The following KCNMA1 variants were observed in gnomAD, a reference collection of about 807,000 sequenced individuals.
KCNMA1 encodes potassium calcium-activated channel subfamily M alpha 1, also known as Calcium-activated potassium channel subunit alpha-1.
KCNMA1 carries 29 observed loss-of-function variants against 140.0 expected under a neutral mutation model. The ratio of observed to expected loss-of-function variants is 0.21; its 90% CI spans 0.15 to 0.28. The LOEUF (loss-of-function observed/expected upper bound fraction) is 0.28, where lower values mean the gene tolerates loss of function less well. Ranked by LOEUF, KCNMA1 falls within the 10% of genes least tolerant of loss-of-function variation. KCNMA1 has a pLI of 1.00. For missense variants in KCNMA1, 880 were observed against 1,602.2 expected (o/e 0.55, Z 7.70); for synonymous variants, 612 against 611.9 (o/e 1.00, Z 0.00).
chr10:77,318,744 T>C (rs1276970108), intron 2 of KCNMA1, among the ~76,000 whole-genome samples: 2 of 152,186 alleles, frequency 1.3e-5, no homozygotes, highest in Non-Finnish European at 2.9e-5. Flanking sequence ...GTGGACCTAT[T>C]CACCAAGGGC....
chr10:76,877,704 CA>C (rs1415022416), downstream of KCNMA1: 20 of 1,544,580 alleles, frequency 1.3e-5, no homozygotes, highest in Non-Finnish European at 1.8e-5. Flanking sequence ...TGAAGTTTGT[CA>C]GGCTTTAAAA....
intron 12 of KCNMA1, chr10:77,079,759 C>T: frequency 1.7e-6 from 1 of 605,206 alleles, no homozygotes; most frequent in South Asian, 1.9e-5. Flanking sequence ...TGGACAAGCC[C>T]AGCAGTGTGC....
intron 1 of KCNMA1, among the ~76,000 whole-genome samples, chr10:77,408,403 TGTGTGAGAGTGTGTGCATGTGTGTGCAC>T (rs1190815062): frequency 1.3e-5 from 2 of 151,924 alleles, no homozygotes; most frequent in African/African-American, 2.4e-5. Flanking sequence ...TGTGTGTGCA[TGTGTGAGAGTGTGTGCATGTGTGTGCAC>T]GTGTGAGAGT....
At chr10:76,929,576 T>G (rs1032694370) in intron 23 of KCNMA1, among the ~76,000 whole-genome samples, 2 of 152,220 alleles carry the variant, frequency 1.3e-5, no homozygotes, top group African/African-American at 4.8e-5. Context: ...TAAATTTCTA[T>G]GGAAATGTAA....
At chr10:77,331,153 C>T (rs556124032) in intron 2 of KCNMA1, among the ~76,000 whole-genome samples, 1 of 152,172 alleles carries the variant, frequency 6.6e-6, no homozygotes, top group East Asian at 1.9e-4. Context: ...GCTCAATCAT[C>T]ACATGTGGCT....
chr10:77,025,535 T>A, intron 16 of KCNMA1: 6 of 1,138,624 alleles, frequency 5.3e-6, no homozygotes, highest in Non-Finnish European at 7.8e-6. Context: ...AAAGAAGGAA[T>A]AAAACCTTTG....
intron 2 of KCNMA1, among the ~76,000 whole-genome samples, chr10:77,388,806 T>C (rs1191887280): frequency 6.6e-6 from 1 of 152,196 alleles, no homozygotes; most frequent in Non-Finnish European, 1.5e-5. Context: ...AGAGGAATTG[T>C]ATCTCTTGGT....
At chr10:77,437,482 T>C (rs1460000685) in intron 1 of KCNMA1, among the ~76,000 whole-genome samples, 1 of 152,220 alleles carries the variant, frequency 6.6e-6, no homozygotes, top group Non-Finnish European at 1.5e-5. Context: ...TGTTCTTATA[T>C]AGTTTTACAG....
At chr10:77,110,893 C>T (rs2097304675) in intron 7 of KCNMA1, among the ~76,000 whole-genome samples, 1 of 152,228 alleles carries the variant, frequency 6.6e-6, no homozygotes, top group Admixed American at 6.5e-5. Flanking sequence ...GCCCTGCTCT[C>T]CCTCCTTTGC....
chr10:77,170,084 G>A (rs908135747), intron 5 of KCNMA1, among the ~76,000 whole-genome samples: 1 of 152,170 alleles, frequency 6.6e-6, no homozygotes, highest in Non-Finnish European at 1.5e-5. Context: ...CCAGCTACTT[G>A]GGAGGCTGAG....
intron 1 of KCNMA1, among the ~76,000 whole-genome samples, chr10:77,465,235 G>T (rs7910415): frequency 0.048 from 7,322 of 152,252 alleles, 428 homozygotes; most frequent in African/African-American, 0.13. Context: ...CCTTCCCTGG[G>T]CTTTGGGAAG....
chr10:77,222,326 A>G (rs1205809026), intron 3 of KCNMA1, among the ~76,000 whole-genome samples: 2 of 152,200 alleles, frequency 1.3e-5, no homozygotes, highest in Non-Finnish European at 2.9e-5. Context: ...TCTTATAGTG[A>G]CATGCCCAAT....
At chr10:77,127,999 A>G (rs909105675) in intron 5 of KCNMA1, among the ~76,000 whole-genome samples, 1 of 151,444 alleles carries the variant, frequency 6.6e-6, no homozygotes, top group Non-Finnish European at 1.5e-5. Flanking sequence ...TTAAAAATTA[A>G]AAAAAAAATC....
At chr10:77,629,919 G>A (rs902424164) in intron 1 of KCNMA1, among the ~76,000 whole-genome samples, 1 of 152,200 alleles carries the variant, frequency 6.6e-6, no homozygotes, top group Non-Finnish European at 1.5e-5. Flanking sequence ...CTCTGATGAT[G>A]AAACAACATA....
At chr10:77,192,085 G>A (rs1205468072) in intron 3 of KCNMA1, among the ~76,000 whole-genome samples, 1 of 152,112 alleles carries the variant, frequency 6.6e-6, no homozygotes, top group Non-Finnish European at 1.5e-5. Context: ...GGAGACTCCT[G>A]AAACAATGAT....
intron 20 of KCNMA1, among the ~76,000 whole-genome samples, chr10:76,963,925 G>A (rs1248610537): frequency 1.3e-5 from 2 of 152,024 alleles, no homozygotes; most frequent in Non-Finnish European, 2.9e-5. Context: ...TTAGGCCTTA[G>A]GTGGTCTCCT....
Position 76,885,662 on chromosome 10 carries a change from A to G in KCNMA1, c.*1604T>C, listed in dbSNP as rs1020388905. ...GAATTCTTTGAAGTAAAACTTTTCA[A>G]ATATGTATATACCAGCCTAGTCCAT... On this transcript the variant is annotated 3_prime_UTR_variant, in exon 28 of 28. Coordinates refer to ENST00000286628, the MANE Select transcript of KCNMA1 (RefSeq NM_001161352.2). The G allele has an allele frequency of 2.8e-5, 28 of 985,202 alleles. No homozygotes were observed. Among genetic ancestry groups the G allele is most frequent in the Non-Finnish European group, 2.8e-5 (23 of 829,886 alleles). The allele number at this position is 985,202 out of a possible 1,614,324, so 61.0% of individuals were successfully genotyped here.
chr10:77,447,958 A>T (rs1411604466), intron 1 of KCNMA1, among the ~76,000 whole-genome samples: 1 of 152,248 alleles, frequency 6.6e-6, no homozygotes, highest in Non-Finnish European at 1.5e-5. Flanking sequence ...AATCTGGTGC[A>T]ATATAAATAG....
At chr10:77,275,433 G>A (rs1878217) in intron 2 of KCNMA1, among the ~76,000 whole-genome samples, 131,147 of 152,220 alleles carry the variant, frequency 0.86, 56,904 homozygotes, top group African/African-American at 0.96. Flanking sequence ...AGGAAGCAAG[G>A]TCACCTAGTC....
Sources: allele counts gnomAD v4.1 joint callset (sites outside exome capture counted in the v4.1 genomes callset), GRCh38; gene constraint gnomAD v4.1.1; transcripts MANE v1.5; gene names NCBI Gene and HGNC (gene_info 2026-07-23, HGNC 2026-07-21).